Variants in SNX8 observed in about 807,000 individuals in gnomAD.
SNX8 encodes sorting nexin-8.
Under a neutral mutation model 51.6 loss-of-function variants are expected in SNX8, and 25 were observed. The observed-to-expected ratio is 0.48, with a 90% CI of 0.35 to 0.68. The LOEUF (loss-of-function observed/expected upper bound fraction) is 0.68, where lower values mean the gene tolerates loss of function less well. Among genes scored for constraint, SNX8 ranks in the 30% least tolerant of loss-of-function variants. SNX8 has a pLI of 0.00. For missense variants in SNX8, 695 were observed against 624.0 expected, an observed-to-expected ratio of 1.11 and a Z score of -1.21; for synonymous variants, 324 against 277.0, an observed-to-expected ratio of 1.17 and a Z score of -1.68.
At chr7:2,340,963 C>T (rs771646104) in intron 1 of SNX8, among the ~76,000 whole-genome samples, 4 of 149,942 alleles carry the variant, frequency 2.7e-5, no homozygotes, top group Non-Finnish European at 5.9e-5. Flanking sequence ...GCAGGAGGGT[C>T]ACTTGAGCCC....
intron 1 of SNX8, among the ~76,000 whole-genome samples, chr7:2,301,465 C>T (rs920834942): frequency 2.0e-5 from 3 of 152,240 alleles, no homozygotes; most frequent in Non-Finnish European, 4.4e-5. Context: ...GCAGCACGCA[C>T]AGCAGCAACA....
At chr7:2,344,544 G>A (rs1408208693) in intron 1 of SNX8, among the ~76,000 whole-genome samples, 1 of 151,358 alleles carries the variant, frequency 6.6e-6, no homozygotes, top group Non-Finnish European at 1.5e-5. Context: ...CCTGGGAGGC[G>A]GAGGTAGCAG....
At chr7:2,255,334 G>A (rs1795150913) in intron 10 of SNX8, among the ~76,000 whole-genome samples, 165 bp from the exon 11 acceptor site, 1 of 152,206 alleles carries the variant, frequency 6.6e-6, no homozygotes, top group Admixed American at 6.5e-5. Flanking sequence ...CTGCACAGAG[G>A]AAGCCCAAAT....
chr7:2,258,008 CTTTTTTTTT>C (rs59062161), intron 7 of SNX8, among the ~76,000 whole-genome samples: 2 of 126,662 alleles, frequency 1.6e-5, no homozygotes, highest in South Asian at 5.2e-4. Context: ...GCCCAGCAGT[CTTTTTTTTT>C]TTTTTTTTTT....
intron 1 of SNX8, among the ~76,000 whole-genome samples, chr7:2,341,546 C>T (rs1778926235): frequency 6.6e-6 from 1 of 151,966 alleles, no homozygotes; most frequent in South Asian, 2.1e-4. Flanking sequence ...ATGGCTTACA[C>T]CCACAGTCCT....
chr7:2,314,366 T>C lies in SNX8; in HGVS notation c.56A>G (p.Glu19Gly). The C allele has an allele frequency of 8.2e-7, 1 of 1,223,718 alleles. No homozygotes were observed. The highest frequency in any genetic ancestry group is 1.0e-6 in the Non-Finnish European group (1 of 982,386). The allele number at this position is 1,223,718 out of a possible 1,614,324, so 75.8% of individuals were successfully genotyped here. A position where few individuals can be genotyped will look rare whatever the true frequency, so the allele number is the denominator to read the frequency against. Residue 19 changes from glutamate (E) to glycine (G), a missense_variant, in exon 1 of 11, where the codon GAG becomes GGG. Coordinates refer to ENST00000222990, the MANE Select transcript of SNX8 (RefSeq NM_013321.4). ...ATCCGCCTCCTCGTCAGCCTCCGCC[T>C]CAGCTGCCGCCCCGACTGCAGCCGC... ...LPAAAVGAAA[E>G]AEADEEADPP...
chr7:2,336,399 A>G (rs1187168890), intron 1 of SNX8, among the ~76,000 whole-genome samples: 1 of 151,394 alleles, frequency 6.6e-6, no homozygotes, highest in Non-Finnish European at 1.5e-5. Flanking sequence ...TGTCTCAAAA[A>G]TAACAATAAT....
chr7:2,254,892 C>CCCG lies in SNX8; in HGVS notation c.*163_*164insCGG, dbSNP rs1318577583. The CCCG allele has an allele frequency of 1.6e-6, 1 of 638,654 alleles. No individual in the cohort carries two copies. The highest frequency in any genetic ancestry group is 1.8e-5 in the African/African-American group (1 of 55,964). 39.6% of individuals were successfully genotyped at this position (638,654 alleles called of 1,614,324 possible). A position where few individuals can be genotyped will look rare whatever the true frequency, so the allele number is the denominator to read the frequency against. ...GTGTGGCCCAGCTGCCCCCATGGTC[C>CCCG]ACGGATGCGCCTCCCGACCCGCAGG... On this transcript the variant is annotated 3_prime_UTR_variant, in exon 11 of 11. Coordinates refer to ENST00000222990, the MANE Select transcript of SNX8 (RefSeq NM_013321.4).
At chr7:2,337,350 G>C (rs868604413) in intron 1 of SNX8, 2 of 152,122 alleles carry the variant, frequency 1.3e-5, no homozygotes, top group South Asian at 2.1e-4. Flanking sequence ...GGGAGGCTGA[G>C]GAGGGAGGAT....
intron 1 of SNX8, among the ~76,000 whole-genome samples, chr7:2,321,783 C>A (rs1427710326): frequency 1.6e-5 from 2 of 125,944 alleles, no homozygotes; most frequent in East Asian, 5.3e-4. Flanking sequence ...ATGTTGCGAT[C>A]TCGGATCTCG....
intron 1 of SNX8, among the ~76,000 whole-genome samples, chr7:2,296,723 G>C (rs1796280419): frequency 2.0e-5 from 3 of 151,882 alleles, no homozygotes; most frequent in Non-Finnish European, 2.9e-5. Context: ...CTGAGGTCAG[G>C]AGTTCGAGAC....
At chr7:2,314,306 C>T (rs1584734018) in intron 1 of SNX8, 22 bp downstream of exon 1, 1 of 1,220,166 alleles carries the variant, frequency 8.2e-7, no homozygotes, top group Non-Finnish European at 1.0e-6. Context: ...CAGGTGGGGG[C>T]TACCGCCGCC....
chr7:2,273,318 C>T (rs1030015755), intron 3 of SNX8, among the ~76,000 whole-genome samples: 2 of 152,008 alleles, frequency 1.3e-5, no homozygotes, highest in Admixed American at 6.5e-5. Context: ...GGCGCAGTGG[C>T]TCACACCTGT....
chr7:2,264,190 G>T (rs1795405867), intron 6 of SNX8, 108 bp downstream of exon 6: 5 of 1,096,510 alleles, frequency 4.6e-6, no homozygotes, highest in Non-Finnish European at 5.2e-6. Flanking sequence ...GATGAAACAG[G>T]TCAGGATGCT....
intron 1 of SNX8, among the ~76,000 whole-genome samples, chr7:2,353,381 A>G (rs7792934): frequency 0.74 from 113,233 of 152,014 alleles, 42,593 homozygotes; most frequent in East Asian, 0.86. Flanking sequence ...GCGAGACCCT[A>G]TCTCTGAAAA....
At chr7:2,295,793 T>C (rs1796261790) in intron 1 of SNX8, among the ~76,000 whole-genome samples, 1 of 152,124 alleles carries the variant, frequency 6.6e-6, no homozygotes, top group African/African-American at 2.4e-5. Context: ...TTTCATTCTT[T>C]TGCATGTGGC....
chr7:2,316,214 C>G (rs1796754127), upstream of SNX8, among the ~76,000 whole-genome samples: 1 of 151,338 alleles, frequency 6.6e-6, no homozygotes, highest in South Asian at 2.1e-4. Flanking sequence ...CACCCACCCA[C>G]TCACTCACTG....
chr7:2,257,718 G>C lies in SNX8; in HGVS notation c.984+17C>G, dbSNP rs749241596. The C allele has an allele frequency of 1.9e-6, 3 of 1,612,334 alleles. No homozygotes were observed. Among genetic ancestry groups the C allele is most frequent in the Middle Eastern group, 1.7e-4 (1 of 6,054 alleles). On this transcript the variant is annotated intron_variant, in intron 8 of 10. Transcript: ENST00000222990. ...CCTGAAAGTTCTGCCCCCAGCCAAG[G>C]AGCAGCCAAGACTCACCTTATAGGA... is the stretch of plus-strand genomic sequence containing the variant.
At chr7:2,313,594 G>A (rs1796703245) in intron 1 of SNX8, among the ~76,000 whole-genome samples, 1 of 152,046 alleles carries the variant, frequency 6.6e-6, no homozygotes, top group Non-Finnish European at 1.5e-5. Context: ...CAGGCACGAT[G>A]GCTCATGCCC....
Sources: allele counts gnomAD v4.1 joint callset (sites outside exome capture counted in the v4.1 genomes callset), GRCh38; gene constraint gnomAD v4.1.1; transcripts MANE v1.5; gene names NCBI Gene and HGNC (gene_info 2026-07-23, HGNC 2026-07-21).